Variants in NALF1 observed in about 807,000 individuals in gnomAD.
NALF1 encodes NALCN channel auxiliary factor 1.
Under a neutral mutation model 48.4 loss-of-function variants are expected in NALF1, and 3 were observed. That is an observed-to-expected ratio of 0.06 (90% CI 0.03 to 0.16). The LOEUF is 0.16. Ranked by LOEUF, NALF1 falls within the 10% of genes least tolerant of loss-of-function variation. The pLI is 1.00. For missense variants in NALF1, 526 were observed against 571.5 expected (o/e 0.92, Z 0.81); for synonymous variants, 262 against 245.7 (o/e 1.07, Z -0.62).
chr13:107,490,603 CT>C (rs1212116170), intron 1 of NALF1, among the ~76,000 whole-genome samples: 1 of 152,112 alleles, frequency 6.6e-6, no homozygotes, highest in Non-Finnish European at 1.5e-5. Flanking sequence ...GGAAAAATAA[CT>C]AATGGGTACG....
chr13:107,517,403 G>A (rs922384453), intron 1 of NALF1, among the ~76,000 whole-genome samples: 1 of 151,924 alleles, frequency 6.6e-6, no homozygotes, highest in Non-Finnish European at 1.5e-5. Context: ...GGCTGAGGAG[G>A]GTGGATCACA....
rs57085950 is a variant in NALF1 at position 107,687,502 on chromosome 13, G to GCACACACA, written c.915+178172_915+178179dup. On this transcript the variant is annotated intron_variant, in intron 1 of 2. Transcript: ENST00000375915. ...AGAAAGAAATTGATCCAGTGCACAT[G>GCACACACA]CACACACACACACACACATCACCTG... is the stretch of plus-strand genomic sequence containing the variant. Among the ~76,000 whole-genome samples, 405 of 149,142 alleles carry GCACACACA rather than the reference G, an allele frequency of 2.7e-3. 4 individuals carry two copies. In the East Asian group the frequency reaches 0.035, roughly 13 times the overall value.
intron 1 of NALF1, among the ~76,000 whole-genome samples, chr13:107,727,458 A>C (rs1423014786): frequency 6.6e-6 from 1 of 152,110 alleles, no homozygotes; most frequent in Non-Finnish European, 1.5e-5. Context: ...GCCTCACATG[A>C]CAACCCATAC....
rs1245527426 is a variant in NALF1 at position 107,866,200 on chromosome 13, G to C, written c.397C>G (p.Pro133Ala). Residue 133 changes from proline to alanine, a missense_variant, in exon 1 of 3, where the codon CCC becomes GCC. By Grantham distance (27) the Pro-to-Ala change is conservative. This residue lies in a region of NALF1 where 373 missense variants were observed against 355.5 expected (regional missense o/e 1.05). Transcript: ENST00000375915. This position sits in a 1 kb window ranked among gnomAD's most constrained non-coding sequence, Gnocchi z 4.4. ...LSASSSPTLP[P>A]SPGDGGGGGG... Reference sequence around the variant, plus strand: ...CCGCCGCCGCCGTCTCCCGGGGAGGGGGGCAGGGTGGGGGACGAGGAGGCG... The same window carrying C: ...CCGCCGCCGCCGTCTCCCGGGGAGGCGGGCAGGGTGGGGGACGAGGAGGCG... The C allele has an allele frequency of 1.9e-6, 3 of 1,600,830 alleles. No homozygotes were observed. Among genetic ancestry groups the C allele is most frequent in the Non-Finnish European group, 2.6e-6 (3 of 1,174,318 alleles).
intron 1 of NALF1, among the ~76,000 whole-genome samples, chr13:107,291,178 T>C (rs1881613280): frequency 6.6e-6 from 1 of 151,858 alleles, no homozygotes; most frequent in African/African-American, 2.4e-5. Context: ...TTCCCAAATA[T>C]ATTTCTTTAT....
intron 1 of NALF1, among the ~76,000 whole-genome samples, chr13:107,631,435 T>C (rs1162461267): frequency 3.3e-5 from 5 of 152,204 alleles, no homozygotes. Flanking sequence ...TTATCTTTTA[T>C]GACAGCAGCT....
chr13:107,691,966 T>C (rs1275878285), intron 1 of NALF1, among the ~76,000 whole-genome samples: 1 of 152,192 alleles, frequency 6.6e-6, no homozygotes, highest in African/African-American at 2.4e-5. Context: ...TCTTAATCTC[T>C]GAGAACAGAC....
At chr13:107,549,895 A>T (rs1418030453) in intron 1 of NALF1, among the ~76,000 whole-genome samples, 7 of 151,100 alleles carry the variant, frequency 4.6e-5, no homozygotes, top group African/African-American at 1.7e-4. Flanking sequence ...TAAGAATTGT[A>T]TTTCCTGTCA....
intron 1 of NALF1, among the ~76,000 whole-genome samples, chr13:107,252,193 G>A (rs530323283): frequency 6.6e-6 from 1 of 152,176 alleles, no homozygotes; most frequent in Non-Finnish European, 1.5e-5. Context: ...CACGTGGTGT[G>A]ATTGCTGGAA....
chr13:107,263,249 G>GACACACACACACACACACACAC (rs34637583), intron 1 of NALF1, among the ~76,000 whole-genome samples: 1 of 138,368 alleles, frequency 7.2e-6, no homozygotes, highest in African/African-American at 2.7e-5. Context: ...AATGCTAACA[G>GACACACACACACACACACACAC]ACACACACAC....
intron 1 of NALF1, among the ~76,000 whole-genome samples, chr13:107,418,470 A>G (rs375518050): frequency 2.0e-5 from 3 of 152,320 alleles, no homozygotes; most frequent in African/African-American, 7.2e-5. Flanking sequence ...ACGATGAGAT[A>G]ATAAAGATTT....
rs534987025 is a variant in NALF1 at position 107,450,758 on chromosome 13, A to C, written c.916-240003T>G. Among the ~76,000 whole-genome samples, 3 of 152,340 alleles carry C rather than the reference A, an allele frequency of 2.0e-5. No homozygotes were observed. The East Asian group carries it at 5.8e-4, about 29-fold the overall frequency. ...TTGGAGAGGAGTCCTCATTATTGCC[A>C]ACCTCATTAGACAACACTAATAGTT... On this transcript the variant is annotated intron_variant, in intron 1 of 2. Coordinates refer to ENST00000375915, the MANE Select transcript of NALF1 (RefSeq NM_001080396.3).
At chr13:107,330,804 C>A in intron 1 of NALF1, among the ~76,000 whole-genome samples, 1 of 152,142 alleles carries the variant, frequency 6.6e-6, no homozygotes, top group Admixed American at 6.5e-5. Context: ...ATGAGGAACA[C>A]CATAGAATGC....
chr13:107,505,845 A>G (rs1875681343), intron 1 of NALF1, among the ~76,000 whole-genome samples: 1 of 152,170 alleles, frequency 6.6e-6, no homozygotes, highest in Admixed American at 6.6e-5. Context: ...TAGTCTTATT[A>G]TCTCCATTGT....
intron 1 of NALF1, among the ~76,000 whole-genome samples, chr13:107,675,382 T>C (rs1881089886): frequency 6.6e-6 from 1 of 152,138 alleles, no homozygotes; most frequent in African/African-American, 2.4e-5. Flanking sequence ...GTTGAAGAAA[T>C]GCGATTAGAG....
intron 1 of NALF1, among the ~76,000 whole-genome samples, chr13:107,609,232 C>G (rs141516118): frequency 9.4e-4 from 143 of 152,316 alleles, no homozygotes; most frequent in African/African-American, 3.3e-3. Flanking sequence ...TCTTCCTCCC[C>G]TCTCCCACAC....
At position 107,346,652 on chromosome 13, in the gene NALF1, T is replaced by C. The variant is rs573481335; in HGVS notation, c.916-135897A>G. Among the ~76,000 whole-genome samples, 3 of 152,310 alleles carry C rather than the reference T, an allele frequency of 2.0e-5. 1 individual carries two copies. Among genetic ancestry groups the C allele is most frequent in the African/African-American group, 7.2e-5 (3 of 41,560 alleles). On this transcript the variant is annotated intron_variant, in intron 1 of 2. Transcript: ENST00000375915. Reference sequence around the variant, plus strand: ...GAGTTGCTCTTTAATAGGTGTAGCATGTGGTCATGAAAGATGAAAAATTCC... The same window carrying C: ...GAGTTGCTCTTTAATAGGTGTAGCACGTGGTCATGAAAGATGAAAAATTCC...
chr13:107,761,299 G>A (rs1371914013), intron 1 of NALF1, among the ~76,000 whole-genome samples: 2 of 151,684 alleles, frequency 1.3e-5, no homozygotes, highest in Non-Finnish European at 2.9e-5. Context: ...AGAGCTTGCA[G>A]CGTGCTGAGA....
intron 1 of NALF1, among the ~76,000 whole-genome samples, chr13:107,581,401 CTTAA>C (rs1878304483): frequency 6.6e-6 from 1 of 152,144 alleles, no homozygotes; most frequent in Non-Finnish European, 1.5e-5. Context: ...TAGCATTTGT[CTTAA>C]TTATTATATA....
Sources: gnomAD v4.1 joint callset for allele counts (sites outside exome capture counted in the v4.1 genomes callset) on GRCh38, gnomAD v4.1.1 for gene constraint, gnomAD v4.1.1 regional missense constraint, Gnocchi (gnomAD v3.1) non-coding constraint, MANE v1.5 for transcripts, NCBI Gene and HGNC (gene_info 2026-07-23, HGNC 2026-07-21) for gene names.